FAM234A: variants seen among roughly 807,000 people sequenced by gnomAD.
The protein encoded by FAM234A is protein FAM234A.
A neutral mutation model predicts 49.1 loss-of-function variants in FAM234A; 42 were observed. That is an observed-to-expected ratio of 0.86 (90% CI 0.67 to 1.11). The LOEUF (loss-of-function observed/expected upper bound fraction) is 1.11, where lower values mean the gene tolerates loss of function less well. Among genes scored for constraint, FAM234A ranks in the 50% least tolerant of loss-of-function variants. FAM234A has a pLI of 0.00. For missense variants in FAM234A, 815 were observed against 745.2 expected, an observed-to-expected ratio of 1.09 and a Z score of -1.09; for synonymous variants, 369 against 316.2, an observed-to-expected ratio of 1.17 and a Z score of -1.77.
Position 265,209 on chromosome 16 carries a change from C to T in FAM234A, c.*187C>T. On this transcript the variant is annotated 3_prime_UTR_variant, in exon 13 of 13. Transcript: ENST00000399932. ...CCAGGGACCTGCATGGGTGAGGGGA[C>T]ACCCTGGGCCTCTCTCCCGCCCAGC... 2.9e-6 allele frequency: 4 copies of T among 1,403,210 alleles called. No individual in the cohort carries two copies. The highest frequency in any genetic ancestry group is 2.6e-5 in the East Asian group (1 of 38,574). The allele number at this position is 1,403,210 out of a possible 1,614,324, so 86.9% of individuals were successfully genotyped here. A position where few individuals can be genotyped will look rare whatever the true frequency, so the allele number is the denominator to read the frequency against.
At chr16:252,964 G>A (rs571632488) in intron 2 of FAM234A, among the ~76,000 whole-genome samples, 1 of 152,278 alleles carries the variant, frequency 6.6e-6, no homozygotes, top group Admixed American at 6.5e-5. Flanking sequence ...AAATCTGCAT[G>A]ATCACGTCCA....
chr16:248,719 C>G (rs1169078001), intron 1 of FAM234A, among the ~76,000 whole-genome samples: 1 of 151,870 alleles, frequency 6.6e-6, no homozygotes, highest in African/African-American at 2.4e-5. Flanking sequence ...CTCCCGGGCT[C>G]AAGCAATCCT....
At position 265,916 on chromosome 16, in the gene FAM234A, T is replaced by G. The variant is rs1262935898; in HGVS notation, c.*894T>G. ...TTCCGGTGCTCACACGCCCACGCCG[T>G]GCCACCCGATGCAGGACTCACCTCT... On this transcript the variant is annotated 3_prime_UTR_variant, in exon 13 of 13. Coordinates refer to ENST00000399932, the MANE Select transcript of FAM234A (RefSeq NM_032039.4). 1 of 986,218 alleles carries G rather than the reference T, an allele frequency of 1.0e-6. No homozygotes were observed. Among genetic ancestry groups the G allele is most frequent in the Non-Finnish European group, 1.2e-6 (1 of 830,462 alleles). 61.1% of individuals were successfully genotyped at this position (986,218 alleles called of 1,614,324 possible). A position where few individuals can be genotyped will look rare whatever the true frequency, so the allele number is the denominator to read the frequency against.
intron 1 of FAM234A, among the ~76,000 whole-genome samples, chr16:242,657 G>A (rs2050660466): frequency 1.3e-5 from 2 of 149,586 alleles, no homozygotes; most frequent in African/African-American, 2.5e-5. Context: ...CTGTCGTCCA[G>A]GCTGGAGTGC....
In FAM234A at chr16:265,341, G is replaced by C; in HGVS notation, c.*319G>C. 4 of 1,147,392 alleles carry C rather than the reference G, an allele frequency of 3.5e-6. No homozygotes were observed. The highest frequency in any genetic ancestry group is 4.3e-6 in the Non-Finnish European group (4 of 931,590). 71.1% of individuals were successfully genotyped at this position (1,147,392 alleles called of 1,614,324 possible). ...TCCCTGGCCACCTTGGGCAGAGCTG[G>C]GTCATGCAGCACCCCATCCTTACCC... On this transcript the variant is annotated 3_prime_UTR_variant, in exon 13 of 13. Transcript: ENST00000399932.
chr16:242,514 T>G (rs1034570463), intron 1 of FAM234A, among the ~76,000 whole-genome samples: 1 of 151,892 alleles, frequency 6.6e-6, no homozygotes, highest in African/African-American at 2.4e-5. Flanking sequence ...GCGGGCTTAC[T>G]GATAGTTCTG....
chr16:269,707 G>A (rs2051829318), downstream of FAM234A: 2 of 776,846 alleles, frequency 2.6e-6, no homozygotes. Flanking sequence ...CGGCGGACAG[G>A]GTGCTGGAGG....
Position 265,414 on chromosome 16 carries a change from G to A in FAM234A, c.*392G>A, listed in dbSNP as rs185956391. On this transcript the variant is annotated 3_prime_UTR_variant, in exon 13 of 13. Transcript: ENST00000399932. ...CTCCCCAGGCCAGAGCGGCCATCGC[G>A]TAGAAAGAACCAGGGTGTCCCCGGG... The A allele has an allele frequency of 2.6e-5, 26 of 1,015,830 alleles. No homozygotes were observed. The highest frequency in any genetic ancestry group is 6.9e-5 in the African/African-American group (4 of 58,382). 62.9% of individuals were successfully genotyped at this position (1,015,830 alleles called of 1,614,324 possible).
intron 8 of FAM234A, 139 bp from the exon 9 acceptor site, chr16:263,123 C>T: frequency 9.0e-7 from 1 of 1,108,920 alleles, no homozygotes. Flanking sequence ...CAGCTCTTCT[C>T]TTTTCAAGCT....
chr16:243,281 GA>G (rs1317512284), intron 1 of FAM234A, among the ~76,000 whole-genome samples: 1 of 152,064 alleles, frequency 6.6e-6, no homozygotes, highest in Non-Finnish European at 1.5e-5. Context: ...GCCCGGCCAT[GA>G]AGTTAAATTT....
intron 8 of FAM234A, 90 bp from the exon 9 acceptor site, chr16:263,172 C>T: frequency 2.0e-6 from 3 of 1,479,676 alleles, no homozygotes; most frequent in Non-Finnish European, 2.8e-6. Context: ...CTAAGAGGAG[C>T]ACCCTGAGAC....
chr16:267,845 C>T (rs890093088), downstream of FAM234A, among the ~76,000 whole-genome samples: 2 of 148,624 alleles, frequency 1.3e-5, no homozygotes, highest in African/African-American at 5.0e-5. Context: ...GTACACACCA[C>T]ACGTGTGCCT....
chr16:264,527 G>C, intron 11 of FAM234A, 87 bp from the exon 12 acceptor site: 1 of 932,772 alleles, frequency 1.1e-6, no homozygotes, highest in South Asian at 1.4e-5. Flanking sequence ...AGCAGACATA[G>C]AGCTCCAGGC....
At chr16:251,872 G>A (rs1038227955) in intron 2 of FAM234A, among the ~76,000 whole-genome samples, 9 of 150,842 alleles carry the variant, frequency 6.0e-5, no homozygotes, top group Non-Finnish European at 1.3e-4. Flanking sequence ...GCATGGTGGC[G>A]GACGCCCATA....
At chr16:250,888 C>T (rs2050974157) in intron 2 of FAM234A, among the ~76,000 whole-genome samples, 1 of 152,192 alleles carries the variant, frequency 6.6e-6, no homozygotes, top group South Asian at 2.1e-4. Context: ...AAAAACACAC[C>T]ACTGCATTAT....
At chr16:238,566 A>C (rs1223650746) in intron 1 of FAM234A, among the ~76,000 whole-genome samples, 3 of 151,814 alleles carry the variant, frequency 2.0e-5, no homozygotes, top group Non-Finnish European at 4.4e-5. Context: ...GGAGATCGAG[A>C]CCATCCTGGC....
chr16:262,428 C>T lies in FAM234A; in HGVS notation c.846C>T (p.Ser282=). ...GAHYILFPCA[S]SLCGCSVKGL... The stretch of plus-strand genomic sequence containing the variant: ...GCCCTTCTGTGTTTTGAATAGCAAG[C>T]TCCCTCTGCGGCTGCTCTGTGAAGG... Residue 282 remains serine, a synonymous_variant, in exon 8 of 13, where the codon AGC becomes AGT. Coordinates refer to ENST00000399932, the MANE Select transcript of FAM234A (RefSeq NM_032039.4). The T allele has an allele frequency of 6.3e-7, 1 of 1,599,016 alleles. No homozygotes were observed. Among genetic ancestry groups the T allele is most frequent in the Non-Finnish European group, 8.5e-7 (1 of 1,172,128 alleles).
In FAM234A at chr16:264,176, G is replaced by A. The variant is rs62032213; in HGVS notation, c.1344+5G>A. 9.0e-4 allele frequency: 1,437 copies of A among 1,595,446 alleles called. 2 individuals carry two copies. The highest frequency in any genetic ancestry group is 1.1e-3 in the Non-Finnish European group (1,319 of 1,175,840). ...CTGGGGAGCACCAGCGAGACGGTAC[G>A]GGAGCCACCCTCGGAGCAGCCATGC... On this transcript the variant is annotated splice_donor_5th_base_variant and intron_variant, in intron 11 of 12. Coordinates refer to ENST00000399932, the MANE Select transcript of FAM234A (RefSeq NM_032039.4).
At chr16:252,192 T>G (rs535938431) in intron 2 of FAM234A, among the ~76,000 whole-genome samples, 29 of 146,830 alleles carry the variant, frequency 2.0e-4, no homozygotes, top group Non-Finnish European at 3.0e-4. Context: ...TTTGTTTTTT[T>G]TTTTTTTTTG....
Sources: gnomAD v4.1 joint callset for allele counts (sites outside exome capture counted in the v4.1 genomes callset) on GRCh38, gnomAD v4.1.1 for gene constraint, MANE v1.5 for transcripts, NCBI Gene and HGNC (gene_info 2026-07-23, HGNC 2026-07-21) for gene names.